The following MTUS2 variants were observed in gnomAD, a reference collection of about 807,000 sequenced individuals.
The protein encoded by MTUS2 is microtubule-associated tumor suppressor candidate 2.
Under a neutral mutation model 114.1 loss-of-function variants are expected in MTUS2, and 40 were observed. The observed-to-expected ratio is 0.35, with a 90% CI of 0.27 to 0.46. MTUS2 has a LOEUF of 0.46. Among genes scored for constraint, MTUS2 ranks in the 20% least tolerant of loss-of-function variants. MTUS2 has a pLI of 1.00. For missense variants in MTUS2, 1,679 were observed against 1,705.4 expected (o/e 0.98, Z 0.27); for synonymous variants, 688 against 672.0 (o/e 1.02, Z -0.37).
In MTUS2 at chr13:29,389,515, GTATGTGTA is replaced by G. The variant is rs1219490905; in HGVS notation, c.3117+30046_3117+30053del. On this transcript the variant is annotated intron_variant, in intron 8 of 15. Coordinates refer to ENST00000612955, the MANE Select transcript of MTUS2 (RefSeq NM_001033602.4). ...TGTGTATATATGTATACACGTGTGT[GTATGTGTA>G]TATATGTATACACGTGTGTATATGT... Among the ~76,000 whole-genome samples, 22 of 71,692 alleles carry G rather than the reference GTATGTGTA, an allele frequency of 3.1e-4. 4 individuals are homozygous for G. The highest frequency in any genetic ancestry group is 7.4e-4 in the African/African-American group (19 of 25,776). The allele number at this position is 71,692 out of a possible 152,430, so 47.0% of individuals were successfully genotyped here.
intron 5 of MTUS2, among the ~76,000 whole-genome samples, chr13:29,263,156 T>C (rs1324395605): frequency 1.3e-5 from 2 of 152,208 alleles, no homozygotes; most frequent in African/African-American, 4.8e-5. Context: ...TTATTACTGT[T>C]AAAGACTTTG....
chr13:29,004,308 A>G, intron 2 of MTUS2, among the ~76,000 whole-genome samples: 1 of 152,226 alleles, frequency 6.6e-6, no homozygotes, highest in Admixed American at 6.5e-5. Context: ...TTCTCATTTA[A>G]AAAAATGCTG....
Position 29,375,979 on chromosome 13 carries a change from C to T in MTUS2, c.3117+16506C>T, listed in dbSNP as rs565732892. Among the ~76,000 whole-genome samples, 6 of 151,068 alleles carry T rather than the reference C, an allele frequency of 4.0e-5. No homozygotes were observed. The South Asian group carries it at 1.3e-3, about 32-fold the overall frequency. ...ATGTAACCAGAAACCACTAATACCC[C>T]ACAAGCTATTTAAACATATATGTGT... On this transcript the variant is annotated intron_variant, in intron 8 of 15. Transcript: ENST00000612955.
At chr13:28,928,202 A>T (rs1023387153) in intron 2 of MTUS2, among the ~76,000 whole-genome samples, 5 of 152,138 alleles carry the variant, frequency 3.3e-5, no homozygotes, top group Non-Finnish European at 1.5e-5. Flanking sequence ...TAAAAAAAAA[A>T]TTTTGTGTAA....
chr13:28,942,589 C>G (rs1031266956), intron 2 of MTUS2, among the ~76,000 whole-genome samples: 1 of 152,244 alleles, frequency 6.6e-6, no homozygotes, highest in Admixed American at 6.5e-5. Context: ...GAGAATAGAT[C>G]AGCAGCCTGT....
intron 7 of MTUS2, among the ~76,000 whole-genome samples, chr13:29,325,955 A>G (rs1221985617): frequency 1.3e-5 from 2 of 152,234 alleles, no homozygotes; most frequent in Non-Finnish European, 2.9e-5. Context: ...ACCCAGCAGC[A>G]TGGAGAATAG....
At chr13:29,200,416 A>C (rs909552436) in intron 5 of MTUS2, among the ~76,000 whole-genome samples, 3 of 151,092 alleles carry the variant, frequency 2.0e-5, no homozygotes, top group Non-Finnish European at 4.4e-5. Context: ...GTTTTTAAGA[A>C]CTTATTTATT....
intron 9 of MTUS2, among the ~76,000 whole-genome samples, chr13:29,446,708 G>A (rs943826437): frequency 1.3e-5 from 2 of 152,130 alleles, no homozygotes; most frequent in African/African-American, 4.8e-5. Context: ...AAACGTGTTG[G>A]ATATTTATTC....
intron 1 of MTUS2, among the ~76,000 whole-genome samples, chr13:28,824,345 C>T (rs1593223266): frequency 6.6e-6 from 1 of 152,280 alleles, no homozygotes; most frequent in African/African-American, 2.4e-5. Context: ...GAAGTGTAAT[C>T]ATCAGGGAGG....
intron 5 of MTUS2, among the ~76,000 whole-genome samples, chr13:29,200,537 T>TTTTTTTTGG (rs1894903821): frequency 6.8e-6 from 1 of 146,490 alleles, no homozygotes; most frequent in African/African-American, 2.5e-5. Context: ...TTTTTTTTTT[T>TTTTTTTTGG]GAGATGGAGT....
At chr13:29,084,487 A>G (rs1206773444) in intron 4 of MTUS2, among the ~76,000 whole-genome samples, 2 of 151,214 alleles carry the variant, frequency 1.3e-5, no homozygotes, top group African/African-American at 4.9e-5. Context: ...TCCTCCATGC[A>G]ATGGTCTCTT....
intron 2 of MTUS2, among the ~76,000 whole-genome samples, chr13:28,846,566 T>A (rs1321743146): frequency 6.6e-6 from 1 of 152,204 alleles, no homozygotes; most frequent in East Asian, 1.9e-4. Flanking sequence ...ATTATAGATG[T>A]GCAAATAATA....
At chr13:29,426,514 C>T (rs1876542146) in intron 8 of MTUS2, among the ~76,000 whole-genome samples, 1 of 152,202 alleles carries the variant, frequency 6.6e-6, no homozygotes, top group Non-Finnish European at 1.5e-5. Context: ...ACTCTGTATT[C>T]ATTCAACAAT....
chr13:29,024,660 T>C lies in MTUS2; in HGVS notation c.-39T>C, dbSNP rs1566300268. 6.2e-7 allele frequency: 1 copy of C among 1,601,278 alleles called. No homozygotes were observed. Among genetic ancestry groups the C allele is most frequent in the Non-Finnish European group, 8.5e-7 (1 of 1,174,232 alleles). ...TTGAAGGCAGCCCATTTCCATTAAGTAGGACTGCATGGCAAGCAGCCCCAC... is the reference window on the plus strand; with the variant it reads ...TTGAAGGCAGCCCATTTCCATTAAGCAGGACTGCATGGCAAGCAGCCCCAC... On this transcript the variant is annotated 5_prime_UTR_variant, in exon 3 of 16. Coordinates refer to ENST00000612955, the MANE Select transcript of MTUS2 (RefSeq NM_001033602.4).
chr13:29,233,997 G>GA (rs1245434988), intron 5 of MTUS2, among the ~76,000 whole-genome samples: 2 of 152,112 alleles, frequency 1.3e-5, no homozygotes, highest in Non-Finnish European at 2.9e-5. Flanking sequence ...ACATTTTTAA[G>GA]AAAAAATGGG....
intron 2 of MTUS2, among the ~76,000 whole-genome samples, chr13:28,953,974 C>G (rs1882936195): frequency 6.6e-6 from 1 of 152,136 alleles, no homozygotes; most frequent in Non-Finnish European, 1.5e-5. Flanking sequence ...ATAATAAAAT[C>G]AATGTGATAG....
At chr13:29,443,206 A>C (rs1365911793) in intron 9 of MTUS2, among the ~76,000 whole-genome samples, 5 of 152,200 alleles carry the variant, frequency 3.3e-5, no homozygotes, top group Admixed American at 6.5e-5. Context: ...TCTCATAACT[A>C]TCCGGTGTGT....
At chr13:28,921,845 C>T (rs758676805) in intron 2 of MTUS2, among the ~76,000 whole-genome samples, 11 of 152,254 alleles carry the variant, frequency 7.2e-5, no homozygotes, top group South Asian at 2.1e-4. Context: ...CTCATGATTA[C>T]GGTGCTTTCC....
chr13:29,436,146 A>T (rs905536771), intron 8 of MTUS2, among the ~76,000 whole-genome samples: 1 of 152,216 alleles, frequency 6.6e-6, no homozygotes, highest in African/African-American at 2.4e-5. Context: ...CCAGTCAGAC[A>T]TGAAAAGCTT....
Sources: allele counts gnomAD v4.1 joint callset (sites outside exome capture counted in the v4.1 genomes callset), GRCh38; gene constraint gnomAD v4.1.1; transcripts MANE v1.5; gene names NCBI Gene and HGNC (gene_info 2026-07-23, HGNC 2026-07-21).